The following FCRL2 variants were observed in gnomAD, a reference collection of about 807,000 sequenced individuals.
FCRL2 encodes the protein Fc receptor like 2, also known as Fc receptor-like protein 2.
Under a neutral mutation model 59.8 loss-of-function variants are expected in FCRL2, and 48 were observed. That is an observed-to-expected ratio of 0.80 (90% confidence interval 0.64 to 1.02). FCRL2 has a LOEUF of 1.02. FCRL2 is among the 50% of genes least tolerant of loss of function. The pLI is 0.00. For synonymous variants in FCRL2, 251 were observed against 229.5 expected (o/e 1.09, Z -0.85); for missense variants, 658 against 597.3 (o/e 1.10, Z -1.06).
intron 7 of FCRL2, among the ~76,000 whole-genome samples, chr1:157,761,783 A>C (rs1449315464): frequency 6.6e-6 from 1 of 152,204 alleles, no homozygotes; most frequent in Non-Finnish European, 1.5e-5. Flanking sequence ...TTGACAAATT[A>C]GAAATAATAC....
chr1:157,761,811 T>C (rs1649121614), intron 7 of FCRL2, among the ~76,000 whole-genome samples: 1 of 152,074 alleles, frequency 6.6e-6, no homozygotes, highest in Non-Finnish European at 1.5e-5. Context: ...AAACATATAG[T>C]CATGCTGAAA....
intron 7 of FCRL2, among the ~76,000 whole-genome samples, chr1:157,762,706 T>C (rs1469151242): frequency 2.0e-5 from 3 of 151,044 alleles, no homozygotes; most frequent in Non-Finnish European, 4.4e-5. Context: ...GAAAAGCCTC[T>C]AGTCACCTAT....
intron 4 of FCRL2, 172 bp downstream of exon 4, chr1:157,769,694 T>A (rs1278836052): frequency 1.6e-6 from 1 of 634,696 alleles, no homozygotes; most frequent in East Asian, 2.9e-5. Context: ...CCCAAAGTGC[T>A]GGGATTACAG....
chr1:157,755,655 C>T lies in FCRL2; in HGVS notation c.1280-5978G>A, dbSNP rs141847870. 1.1e-4 allele frequency among the ~76,000 whole-genome samples: 17 copies of T among 152,232 alleles called. No homozygotes were observed. The East Asian group carries it at 2.7e-3, about 24-fold the overall frequency. ...ATCATTAACATTAAGATAACTATTGCAAATCCATGAATAGAATTCTTTGCA... is the reference window on the plus strand; with the variant it reads ...ATCATTAACATTAAGATAACTATTGTAAATCCATGAATAGAATTCTTTGCA... On this transcript the variant is annotated intron_variant, in intron 7 of 11. Transcript: ENST00000361516.
At chr1:157,757,703 C>T (rs1648706283) in intron 7 of FCRL2, among the ~76,000 whole-genome samples, 1 of 152,204 alleles carries the variant, frequency 6.6e-6, no homozygotes, top group Admixed American at 6.5e-5. Flanking sequence ...AGGCTTACAC[C>T]TGTAATCCCA....
chr1:157,747,957 A>C (rs1043127916), intron 10 of FCRL2, among the ~76,000 whole-genome samples: 5 of 152,112 alleles, frequency 3.3e-5, no homozygotes, highest in African/African-American at 1.2e-4. Flanking sequence ...TTTTGCCTTG[A>C]ATCTTAGATT....
intron 1 of FCRL2, 102 bp from the exon 2 acceptor site, chr1:157,775,897 T>G (rs1650374381): frequency 2.3e-6 from 3 of 1,285,116 alleles, no homozygotes; most frequent in African/African-American, 3.0e-5. Context: ...TCTTTCCATT[T>G]TCCCTTTCTT....
At chr1:157,775,084 C>A (rs942488318) in intron 2 of FCRL2, among the ~76,000 whole-genome samples, 1 of 152,094 alleles carries the variant, frequency 6.6e-6, no homozygotes, top group African/African-American at 2.4e-5. Flanking sequence ...TTTAAAAAAT[C>A]AAAACTAAAT....
chr1:157,758,503 C>T (rs1648767001), intron 7 of FCRL2, among the ~76,000 whole-genome samples: 1 of 151,824 alleles, frequency 6.6e-6, no homozygotes, highest in Non-Finnish European at 1.5e-5. Flanking sequence ...AAAAATATTC[C>T]ATGCTCATGG....
At chr1:157,774,480 C>T (rs2101770653) in intron 2 of FCRL2, 1 of 456,258 alleles carries the variant, frequency 2.2e-6, no homozygotes, top group South Asian at 1.5e-5. Flanking sequence ...AGATCTCAAA[C>T]TTCTGAAGAA....
chr1:157,773,174 T>C (rs1327020754), intron 2 of FCRL2, among the ~76,000 whole-genome samples: 1 of 152,240 alleles, frequency 6.6e-6, no homozygotes, highest in Non-Finnish European at 1.5e-5. Flanking sequence ...TCTTGTTAAT[T>C]GGACTTTGCA....
At chr1:157,747,722 G>A (rs1647857066) in intron 10 of FCRL2, among the ~76,000 whole-genome samples, 1 of 152,200 alleles carries the variant, frequency 6.6e-6, no homozygotes. Flanking sequence ...GGGCACTGGA[G>A]CAGAAGCTTA....
At chr1:157,759,360 G>C (rs1165554269) in intron 7 of FCRL2, among the ~76,000 whole-genome samples, 1 of 152,084 alleles carries the variant, frequency 6.6e-6, no homozygotes, top group African/African-American at 2.4e-5. Flanking sequence ...AGAAAACCTA[G>C]GAAATACCGT....
At chr1:157,771,691 G>A (rs1339009028) in intron 2 of FCRL2, among the ~76,000 whole-genome samples, 7 of 151,996 alleles carry the variant, frequency 4.6e-5, no homozygotes, top group Non-Finnish European at 8.8e-5. Flanking sequence ...ATTTATTTAC[G>A]GTACCAGACT....
intron 7 of FCRL2, among the ~76,000 whole-genome samples, chr1:157,759,172 C>T (rs2101701221): frequency 6.6e-6 from 1 of 152,278 alleles, no homozygotes; most frequent in Non-Finnish European, 1.5e-5. Flanking sequence ...ACTTCTTTCT[C>T]CTGCTACCCT....
chr1:157,768,691 G>A lies in FCRL2; in HGVS notation c.606C>T (p.Ile202=). 6.2e-7 allele frequency: 1 copy of A among 1,609,786 alleles called. No individual in the cohort carries two copies. Among genetic ancestry groups the A allele is most frequent in the Non-Finnish European group, 8.5e-7 (1 of 1,177,696 alleles). ...QSQIHVQRIP[I]SNVSLEIRAP... is the part of the protein sequence containing the mutation. The stretch of plus-strand genomic sequence containing the variant: ...CCCGGATCTCCAAGCTTACATTAGA[G>A]ATGGGGATTCCTAGATGGATATAAG... The change falls in exon 5 of 12, where the codon ATC becomes ATT. Residue 202 remains isoleucine, a synonymous_variant. Transcript: ENST00000361516.
At chr1:157,753,838 G>A (rs994656829) in intron 7 of FCRL2, among the ~76,000 whole-genome samples, 4 of 152,112 alleles carry the variant, frequency 2.6e-5, no homozygotes, top group Admixed American at 2.6e-4. Flanking sequence ...GCATACCAAA[G>A]ACACTCAACA....
intron 7 of FCRL2, among the ~76,000 whole-genome samples, chr1:157,751,476 G>A (rs956520709): frequency 8.5e-5 from 13 of 152,192 alleles, no homozygotes; most frequent in African/African-American, 1.9e-4. Context: ...GGAGTGCCCC[G>A]TGTGGACACA....
chr1:157,758,130 C>T (rs1329366027), intron 7 of FCRL2, among the ~76,000 whole-genome samples: 1 of 152,126 alleles, frequency 6.6e-6, no homozygotes, highest in Non-Finnish European at 1.5e-5. Flanking sequence ...TGTATCATGG[C>T]GTACATCTGA....
Sources: gnomAD v4.1 joint callset for allele counts (sites outside exome capture counted in the v4.1 genomes callset) on GRCh38, gnomAD v4.1.1 for gene constraint, MANE v1.5 for transcripts, NCBI Gene and HGNC (gene_info 2026-07-23, HGNC 2026-07-21) for gene names.